GSTP1: variants seen among roughly 807,000 people sequenced by gnomAD.
GSTP1 encodes glutathione S-transferase pi 1, also known as glutathione S-transferase P.
In GSTP1, 28 loss-of-function variants were observed where a neutral mutation model predicts 29.4. The observed-to-expected ratio is 0.95, with a 90% confidence interval of 0.71 to 1.30. The LOEUF is 1.30. GSTP1 is among the 50% of genes most tolerant of loss of function. The pLI is 0.00. For synonymous variants in GSTP1, 122 were observed against 117.0 expected (o/e 1.04, Z -0.28); for missense variants, 267 against 266.1 (o/e 1.00, Z -0.02).
At chr11:67,584,905 C>T (rs1867440645) in intron 4 of GSTP1, 133 bp downstream of exon 4, 2 of 757,222 alleles carry the variant, frequency 2.6e-6, no homozygotes, top group Non-Finnish European at 4.4e-6. Flanking sequence ...ACGTAGTTTG[C>T]CCAAGGTCAA....
rs377602132 is a variant in GSTP1 at position 67,586,140 on chromosome 11, G to A, written c.373G>A (p.Gly125Arg). ...GKDDYVKALP[G>R]QLKPFETLLS... ...GGATGACTATGTGAAGGCACTGCCC[G>A]GGCAACTGAAGCCTTTTGAGACCCT... The change falls in exon 6 of 7, where the codon GGG becomes AGG. Residue 125 changes from glycine (G) to arginine (R), a missense_variant. Coordinates refer to ENST00000398606, the MANE Select transcript of GSTP1 (RefSeq NM_000852.4). 8.9e-5 allele frequency: 143 copies of A among 1,613,728 alleles called. No homozygotes were observed. Among genetic ancestry groups the A allele is most frequent in the South Asian group, 8.2e-4 (75 of 91,042 alleles).
chr11:67,585,534 A>G (rs1867453364), intron 5 of GSTP1, among the ~76,000 whole-genome samples: 1 of 152,198 alleles, frequency 6.6e-6, no homozygotes, highest in African/African-American at 2.4e-5. Flanking sequence ...GGCTTCCTGG[A>G]GTAGCCAGAG....
rs374283345 is a variant in GSTP1, at chr11:67,586,465, T to C, written c.521T>C (p.Phe174Ser). The C allele has an allele frequency of 1.1e-5, 18 of 1,613,916 alleles. No individual in the cohort carries two copies. The highest frequency in any genetic ancestry group is 1.4e-5 in the Non-Finnish European group (17 of 1,179,964). Residue 174 changes from phenylalanine to serine, a missense_variant, in exon 7 of 7, where the codon TTC (phenylalanine) becomes TCC (serine). Phe to Ser is a radical substitution (Grantham distance 155). Transcript: ENST00000398606. The part of the protein sequence containing the change: ...EVLAPGCLDA[F>S]PLLSAYVGRL... The stretch of plus-strand genomic sequence containing the variant: ...CTAGCCCCTGGCTGCCTGGATGCGT[T>C]CCCCCTGCTCTCAGCATATGTGGGG...
chr11:67,584,061 G>C, intron 1 of GSTP1, 73 bp from the exon 2 acceptor site: 2 of 1,280,726 alleles, frequency 1.6e-6, no homozygotes, highest in Non-Finnish European at 2.2e-6. Context: ...GGCGGGGAGG[G>C]GGGGCAGACT....
At chr11:67,585,041 G>A in intron 4 of GSTP1, 97 bp from the exon 5 acceptor site, 1 of 750,992 alleles carries the variant, frequency 1.3e-6, no homozygotes, top group Non-Finnish European at 2.3e-6. Context: ...CTCCCAGGCT[G>A]GGGCTCACAG....
At position 67,585,151 on chromosome 11, in the gene GSTP1, G is replaced by T. The variant is rs1867444954; in HGVS notation, c.246G>T (p.Lys82Asn). ...ACCCAACCCCAGGGCTCTATGGGAA[G>T]GACCAGCAGGAGGCAGCCCTGGTGG... ...HLGRTLGLYG[K>N]DQQEAALVDM... Residue 82 changes from lysine to asparagine, a missense_variant, in exon 5 of 7, where the codon AAG becomes AAT. Physicochemically the swap from Lys to Asn is moderately conservative, Grantham distance 94 (BLOSUM62 0). Transcript: ENST00000398606. 1 of 1,611,798 alleles carries T rather than the reference G, an allele frequency of 6.2e-7. No individual in the cohort carries two copies. The highest frequency in any genetic ancestry group is 1.1e-5 in the South Asian group (1 of 91,056).
chr11:67,584,481 C>G lies in GSTP1; in HGVS notation c.55C>G (p.Arg19Gly). ...CCCCGCAGGCCGCTGCGCGGCCCTG[C>G]GCATGCTGCTGGCAGATCAGGGCCA... The part of the protein sequence containing the change: ...FPVRGRCAAL[R>G]MLLADQGQSW... The change falls in exon 3 of 7, where the codon CGC (arginine) becomes GGC (glycine). Residue 19 changes from arginine (R) to glycine (G), a missense_variant. By Grantham distance (125) the Arg-to-Gly change is moderately radical. Coordinates refer to ENST00000398606, the MANE Select transcript of GSTP1 (RefSeq NM_000852.4). The G allele has an allele frequency of 6.5e-7, 1 of 1,547,110 alleles. No individual in the cohort carries two copies. Among genetic ancestry groups the G allele is most frequent in the Non-Finnish European group, 8.7e-7 (1 of 1,145,502 alleles).
In GSTP1 at chr11:67,583,873, G is replaced by C. The variant is rs771880856; in HGVS notation, c.1+29G>C. 53 of 738,778 alleles carry C rather than the reference G, an allele frequency of 7.2e-5. No individual in the cohort carries two copies. The Admixed American group carries it at 7.7e-4, about 11-fold the overall frequency. The allele number at this position is 738,778 out of a possible 1,614,324, so 45.8% of individuals were successfully genotyped here. A position where few individuals can be genotyped will look rare whatever the true frequency, so the allele number is the denominator to read the frequency against. On this transcript the variant is annotated intron_variant, in intron 1 of 6. Transcript: ENST00000398606. ...AGTACGCGCGGCCCGCGTCCCCGGG[G>C]ATGGGGCTCAGAGCTCCCAGCATGG...
At chr11:67,584,615 G>C (rs1208263074) in intron 3 of GSTP1, 45 bp downstream of exon 3, 1 of 1,572,472 alleles carries the variant, frequency 6.4e-7, no homozygotes, top group Non-Finnish European at 8.7e-7. Context: ...CTGGGCCTTA[G>C]GGGGCTGTGA....
rs765069695 is a variant in GSTP1, at chr11:67,585,252, G to A, written c.336+11G>A. On this transcript the variant is annotated intron_variant, in intron 5 of 6. Transcript: ENST00000398606. ...ATCTACACCAACTATGTGAGCATCT[G>A]CACCAGGGTTGGGCACTGGGGGCTG... The A allele has an allele frequency of 2.6e-6, 4 of 1,549,836 alleles. No individual in the cohort carries two copies. In the Admixed American group the frequency reaches 6.7e-5, roughly 26 times the overall value.
At chr11:67,584,863 T>G (rs1276509845) in intron 4 of GSTP1, 91 bp downstream of exon 4, 1 of 993,686 alleles carries the variant, frequency 1.0e-6, no homozygotes, top group African/African-American at 1.6e-5. Context: ...CGCAGCCCTC[T>G]GGAGTGGAGG....
At chr11:67,586,297 A>G in intron 6 of GSTP1, 86 bp downstream of exon 6, 2 of 1,534,290 alleles carry the variant, frequency 1.3e-6, no homozygotes, top group Non-Finnish European at 9.0e-7. Context: ...TTAGCAAAGC[A>G]GAGCAGACCT....
In GSTP1 at chr11:67,586,581, T is replaced by C. The variant is rs756966448; in HGVS notation, c.*4T>C. The C allele has an allele frequency of 1.2e-6, 2 of 1,606,720 alleles. No homozygotes were observed. The highest frequency in any genetic ancestry group is 1.1e-5 in the South Asian group (1 of 90,652). ...CAATGGCAACGGGAAACAGTGAGGGTTGGGGGGACTCTGAGCGGGAGGCAG... is the reference window on the plus strand; with the variant it reads ...CAATGGCAACGGGAAACAGTGAGGGCTGGGGGGACTCTGAGCGGGAGGCAG... On this transcript the variant is annotated 3_prime_UTR_variant, in exon 7 of 7. Transcript: ENST00000398606.
chr11:67,584,179 T>C lies in GSTP1; in HGVS notation c.37+10T>C. On this transcript the variant is annotated intron_variant, in intron 2 of 6. Transcript: ENST00000398606. ...TATTTCCCAGTTCGAGGTAGGAGCATGTGTCTGGCAGGGAAGGGAGGCAGG... is the reference window on the plus strand; with the variant it reads ...TATTTCCCAGTTCGAGGTAGGAGCACGTGTCTGGCAGGGAAGGGAGGCAGG... 11 of 1,609,350 alleles carry C rather than the reference T, an allele frequency of 6.8e-6. No homozygotes were observed. Among genetic ancestry groups the C allele is most frequent in the Non-Finnish European group, 8.5e-6 (10 of 1,175,850 alleles).
chr11:67,584,835 T>C (rs1180875647), intron 4 of GSTP1, 63 bp downstream of exon 4: 28 of 1,226,134 alleles, frequency 2.3e-5, no homozygotes, highest in Non-Finnish European at 3.3e-5. Context: ...GGAGCCCTTT[T>C]GTTTAAATCA....
chr11:67,583,861 C>T lies in GSTP1; in HGVS notation c.1+17C>T, dbSNP rs573663231. On this transcript the variant is annotated intron_variant, in intron 1 of 6. Transcript: ENST00000398606. ...TCGCCACCAGTGAGTACGCGCGGCC[C>T]GCGTCCCCGGGGATGGGGCTCAGAG... 6.3e-5 allele frequency: 47 copies of T among 744,242 alleles called. No homozygotes were observed. In the South Asian group the frequency reaches 6.7e-4, roughly 11 times the overall value. The allele number at this position is 744,242 out of a possible 1,614,324, so 46.1% of individuals were successfully genotyped here.
At chr11:67,584,634 G>A in intron 3 of GSTP1, 51 bp from the exon 4 acceptor site, 1 of 1,575,242 alleles carries the variant, frequency 6.3e-7, no homozygotes, top group Non-Finnish European at 8.7e-7. Flanking sequence ...GACTAGGATC[G>A]GGGGACGCCC....
In GSTP1 at chr11:67,586,475, C is replaced by G. The variant is rs1038527155; in HGVS notation, c.531C>G (p.Leu177=). Residue 177 remains leucine, a synonymous_variant, in exon 7 of 7, where the codon CTC becomes CTG. Coordinates refer to ENST00000398606, the MANE Select transcript of GSTP1 (RefSeq NM_000852.4). ...GCTGCCTGGATGCGTTCCCCCTGCT[C>G]TCAGCATATGTGGGGCGCCTCAGTG... ...APGCLDAFPL[L]SAYVGRLSAR... 6.2e-7 allele frequency: 1 copy of G among 1,614,082 alleles called. No individual in the cohort carries two copies. The highest frequency in any genetic ancestry group is 1.3e-5 in the African/African-American group (1 of 74,950).
chr11:67,584,306 C>T (rs1196367044), intron 2 of GSTP1, 137 bp downstream of exon 2: 2 of 734,940 alleles, frequency 2.7e-6, no homozygotes, highest in African/African-American at 1.8e-5. Flanking sequence ...TCCTGTTCCC[C>T]GCCTCTCCCG....
Sources: allele counts gnomAD v4.1 joint callset (sites outside exome capture counted in the v4.1 genomes callset), GRCh38; gene constraint gnomAD v4.1.1; transcripts MANE v1.5; gene names NCBI Gene and HGNC (gene_info 2026-07-23, HGNC 2026-07-21).